The following PXDNL variants were observed in gnomAD, a reference collection of about 807,000 sequenced individuals.
PXDNL encodes the protein peroxidasin like.
A neutral mutation model predicts 150.8 loss-of-function variants in PXDNL; 145 were observed. That is an observed-to-expected ratio of 0.96 (90% confidence interval 0.84 to 1.10). The LOEUF (loss-of-function observed/expected upper bound fraction) is 1.10. Ranked by LOEUF, PXDNL falls within the 50% of genes least tolerant of loss-of-function variation. The pLI is 0.00. For synonymous variants in PXDNL, 757 were observed against 725.7 expected, an observed-to-expected ratio of 1.04 and a Z score of -0.69; for missense variants, 2,087 against 1,873.9, an observed-to-expected ratio of 1.11 and a Z score of -2.10.
Position 51,408,341 on chromosome 8 carries a change from C to T in PXDNL, c.3283G>A (p.Gly1095Ser). 2 of 1,614,044 alleles carry T rather than the reference C, an allele frequency of 1.2e-6. No homozygotes were observed. Among genetic ancestry groups the T allele is most frequent in the South Asian group, 1.1e-5 (1 of 91,082 alleles). ...CCCCGGAGAACCGGGTCTATCCCAC[C>T]TTCCTTGATTATTCTGGACGGTGAA... ...LFSPSRIIKE[G>S]GIDPVLRGLF... The change falls in exon 17 of 23, where the codon GGT (glycine) becomes AGT (serine). Residue 1095 changes from glycine to serine, a missense_variant. Physicochemically the swap from Gly to Ser is moderately conservative, Grantham distance 56. Transcript: ENST00000356297.
intron 17 of PXDNL, among the ~76,000 whole-genome samples, chr8:51,383,473 G>A (rs1018891311): frequency 2.6e-5 from 4 of 152,298 alleles, no homozygotes; most frequent in Non-Finnish European, 5.9e-5. Flanking sequence ...TTTCTGTTGT[G>A]TGCAGCAGCA....
At chr8:51,366,143 T>C (rs1337860742) in intron 19 of PXDNL, among the ~76,000 whole-genome samples, 2 of 152,208 alleles carry the variant, frequency 1.3e-5, no homozygotes, top group Non-Finnish European at 2.9e-5. Context: ...ATTGCTAAAT[T>C]AAGCTTAGCC....
At chr8:51,701,438 T>C (rs1816256486) in intron 1 of PXDNL, among the ~76,000 whole-genome samples, 1 of 152,134 alleles carries the variant, frequency 6.6e-6, no homozygotes, top group South Asian at 2.1e-4. Flanking sequence ...ATTATAATCA[T>C]TTTCTCCTTG....
intron 2 of PXDNL, among the ~76,000 whole-genome samples, chr8:51,652,652 A>G (rs1330835328): frequency 6.6e-6 from 1 of 152,214 alleles, no homozygotes; most frequent in Non-Finnish European, 1.5e-5. Flanking sequence ...TGGGTAAATT[A>G]CATTACAGCC....
chr8:51,463,245 A>G (rs549707079), intron 8 of PXDNL, among the ~76,000 whole-genome samples: 1 of 152,340 alleles, frequency 6.6e-6, no homozygotes, highest in African/African-American at 2.4e-5. Flanking sequence ...CCAAACAACA[A>G]GCTAAACAAG....
At chr8:51,681,726 T>C (rs1815754339) in intron 1 of PXDNL, among the ~76,000 whole-genome samples, 1 of 152,252 alleles carries the variant, frequency 6.6e-6, no homozygotes, top group Non-Finnish European at 1.5e-5. Context: ...AACTTGTAAA[T>C]TGAAGCCATA....
chr8:51,806,545 A>G (rs2037677548), intron 1 of PXDNL, among the ~76,000 whole-genome samples: 1 of 152,196 alleles, frequency 6.6e-6, no homozygotes, highest in South Asian at 2.1e-4. Context: ...CCAGAGGAGT[A>G]GAGGAGCAAT....
chr8:51,460,106 C>T lies in PXDNL; in HGVS notation c.813-2439G>A, dbSNP rs752608211. 3.6e-4 allele frequency among the ~76,000 whole-genome samples: 54 copies of T among 151,352 alleles called. 2 individuals are homozygous for T. The highest frequency in any genetic ancestry group is 9.2e-4 in the Admixed American group (14 of 15,174). On this transcript the variant is annotated intron_variant, in intron 8 of 22. Coordinates refer to ENST00000356297, the MANE Select transcript of PXDNL (RefSeq NM_144651.5). ...CTACAAAAAAAATCTAAAAATTAGCCAGATATGGTGGCATAAGCCTGTAGT... is the reference window on the plus strand; with the variant it reads ...CTACAAAAAAAATCTAAAAATTAGCTAGATATGGTGGCATAAGCCTGTAGT...
intron 4 of PXDNL, among the ~76,000 whole-genome samples, chr8:51,522,894 G>A (rs1052648151): frequency 2.0e-5 from 3 of 151,818 alleles, no homozygotes; most frequent in Non-Finnish European, 4.4e-5. Context: ...AACAGAGAAT[G>A]TAATAGAAGT....
intron 18 of PXDNL, among the ~76,000 whole-genome samples, chr8:51,373,883 G>A (rs972796085): frequency 6.6e-6 from 1 of 152,158 alleles, no homozygotes; most frequent in Non-Finnish European, 1.5e-5. Context: ...GTCCACTCAG[G>A]AGAGGCTGCT....
chr8:51,775,823 C>T lies in PXDNL; in HGVS notation c.164+33358G>A, dbSNP rs186186271. Among the ~76,000 whole-genome samples, 191 of 152,226 alleles carry T rather than the reference C, an allele frequency of 1.3e-3. No individual in the cohort carries two copies. In the Middle Eastern group the frequency reaches 0.024, roughly 19 times the overall value. On this transcript the variant is annotated intron_variant, in intron 1 of 22. Transcript: ENST00000356297. ...CCTTGAAAAAAGAACAGGATAACAG[C>T]GATGTTCAGGGAACAAGGGAGATAA...
At chr8:51,341,090 T>C (rs1280894217) in intron 20 of PXDNL, among the ~76,000 whole-genome samples, 1 of 152,240 alleles carries the variant, frequency 6.6e-6, no homozygotes, top group Non-Finnish European at 1.5e-5. Flanking sequence ...GTATGGGCCA[T>C]GCATCAGGCA....
At chr8:51,436,537 T>A (rs1809412462) in intron 12 of PXDNL, 1 of 245,410 alleles carries the variant, frequency 4.1e-6, no homozygotes, top group South Asian at 6.0e-5. Flanking sequence ...GGAATAAAAT[T>A]GAAAATCAAC....
chr8:51,550,434 CA>C (rs1812455129), intron 4 of PXDNL, among the ~76,000 whole-genome samples: 1 of 152,002 alleles, frequency 6.6e-6, no homozygotes, highest in South Asian at 2.1e-4. Flanking sequence ...AAATCCTCAA[CA>C]AAAACCTAGC....
intron 1 of PXDNL, among the ~76,000 whole-genome samples, chr8:51,731,787 C>T (rs1417141409): frequency 3.3e-5 from 5 of 152,208 alleles, no homozygotes; most frequent in Admixed American, 3.3e-4. Flanking sequence ...TTGGGGCTTG[C>T]ACCCTCTGAA....
chr8:51,566,166 T>G (rs1812826403), intron 3 of PXDNL, among the ~76,000 whole-genome samples: 1 of 151,930 alleles, frequency 6.6e-6, no homozygotes, highest in Non-Finnish European at 1.5e-5. Context: ...ATTACTTTTA[T>G]ACAATGTTAG....
At chr8:51,529,967 A>G (rs904069229) in intron 4 of PXDNL, among the ~76,000 whole-genome samples, 2 of 152,204 alleles carry the variant, frequency 1.3e-5, no homozygotes, top group South Asian at 4.1e-4. Flanking sequence ...CCAAAAATGC[A>G]TCAGCATTGT....
intron 5 of PXDNL, among the ~76,000 whole-genome samples, chr8:51,494,704 G>C (rs1274497408): frequency 1.3e-5 from 2 of 152,050 alleles, no homozygotes; most frequent in Non-Finnish European, 1.5e-5. Context: ...TAATGGTGAA[G>C]GGATCAATTC....
intron 19 of PXDNL, among the ~76,000 whole-genome samples, chr8:51,366,795 T>C (rs1230260656): frequency 6.6e-6 from 1 of 152,004 alleles, no homozygotes; most frequent in Non-Finnish European, 1.5e-5. Flanking sequence ...GAAAGAAATC[T>C]TCTTAAGCAT....
Sources: gnomAD v4.1 joint callset for allele counts (sites outside exome capture counted in the v4.1 genomes callset) on GRCh38, gnomAD v4.1.1 for gene constraint, MANE v1.5 for transcripts, NCBI Gene and HGNC (gene_info 2026-07-23, HGNC 2026-07-21) for gene names.